RPTOR: variants seen among roughly 807,000 people sequenced by gnomAD.
RPTOR encodes the protein regulatory-associated protein of mTOR.
Under a neutral mutation model 169.9 loss-of-function variants are expected in RPTOR, and 21 were observed. The ratio of observed to expected loss-of-function variants is 0.12; its 90% confidence interval spans 0.09 to 0.18. The LOEUF is 0.18. Among genes scored for constraint, RPTOR ranks in the 10% least tolerant of loss-of-function variants. The probability of loss-of-function intolerance (pLI) is 1.00; values close to 1 mark genes in which losing one functional copy is unlikely to be tolerated. For missense variants in RPTOR, 1,133 were observed against 1,855.9 expected (o/e 0.61, Z 7.16); for synonymous variants, 732 against 753.2 (o/e 0.97, Z 0.46).
intron 1 of RPTOR, among the ~76,000 whole-genome samples, chr17:80,610,180 C>T (rs573315852): frequency 6.6e-6 from 1 of 151,988 alleles, no homozygotes; most frequent in South Asian, 2.1e-4. Context: ...TCTTTCTCTT[C>T]CTCCTTCTCC....
intron 6 of RPTOR, among the ~76,000 whole-genome samples, chr17:80,763,181 G>C (rs955562417): frequency 2.6e-5 from 4 of 152,116 alleles, no homozygotes; most frequent in Admixed American, 1.3e-4. Flanking sequence ...AGGAGTTCAA[G>C]GCTGCAGTGA....
intron 25 of RPTOR, among the ~76,000 whole-genome samples, chr17:80,944,245 T>G (rs565993140): frequency 4.7e-4 from 72 of 152,288 alleles, no homozygotes; most frequent in Non-Finnish European, 8.7e-4. Flanking sequence ...TAGTTACCAT[T>G]CTAGACTGAA....
At position 80,720,753 on chromosome 17, in the gene RPTOR, C is replaced by T. The variant is rs76876499; in HGVS notation, c.508-9807C>T. Among the ~76,000 whole-genome samples, 643 of 152,312 alleles carry T rather than the reference C, an allele frequency of 4.2e-3. 16 individuals carry two copies. Among genetic ancestry groups the T allele is most frequent in the African/African-American group, 0.015 (625 of 41,566 alleles). The stretch of plus-strand genomic sequence containing the variant: ...CATCACCTGCAGGCTCACGGAGCCA[C>T]AGACTGCCAGGCCCTCCCTGAGCCT... On this transcript the variant is annotated intron_variant, in intron 4 of 33. Transcript: ENST00000306801.
In RPTOR at chr17:80,947,234, G is replaced by A. The variant is rs1248289659; in HGVS notation, c.3148G>A (p.Asp1050Asn). ...CTCTCTTCTTCCCTTAAGCTTTTGG[G>A]ACTGGGAGAAAGGGGAGAAGCTGGA... ...VADKDSICFW[D>N]WEKGEKLDYF... The change falls in exon 27 of 34, where the codon GAC becomes AAC. Residue 1050 changes from aspartate (D) to asparagine (N), a missense_variant. Asp to Asn is a conservative substitution (Grantham distance 23, BLOSUM62 1). Coordinates refer to ENST00000306801, the MANE Select transcript of RPTOR (RefSeq NM_020761.3). This position sits in a 1 kb window ranked among gnomAD's most constrained non-coding sequence, Gnocchi z 4.4. 3.1e-6 allele frequency: 5 copies of A among 1,596,664 alleles called. No homozygotes were observed. The highest frequency in any genetic ancestry group is 3.4e-6 in the Non-Finnish European group (4 of 1,173,570).
chr17:80,948,509 G>A (rs1422751738), intron 27 of RPTOR: 1 of 152,486 alleles, frequency 6.6e-6, no homozygotes, highest in African/African-American at 2.4e-5. Flanking sequence ...AACACCAGAG[G>A]GAGAGGGCAG....
At chr17:80,660,500 G>A (rs9897453) in intron 3 of RPTOR, among the ~76,000 whole-genome samples, 113,609 of 152,056 alleles carry the variant, frequency 0.75, 43,375 homozygotes, top group African/African-American at 0.89. Flanking sequence ...TAGAAATTAT[G>A]GCCACACTCT....
intron 10 of RPTOR, among the ~76,000 whole-genome samples, chr17:80,841,730 C>T (rs1385269303): frequency 1.4e-5 from 2 of 142,296 alleles, no homozygotes; most frequent in Non-Finnish European, 3.0e-5. Context: ...TCTCACCACA[C>T]CGCAGCTCAC....
intron 26 of RPTOR, among the ~76,000 whole-genome samples, chr17:80,946,391 G>A (rs554931533): frequency 1.4e-4 from 21 of 152,308 alleles, no homozygotes; most frequent in African/African-American, 4.3e-4. Flanking sequence ...GGCATTCAGC[G>A]TATTCACATT....
intron 7 of RPTOR, among the ~76,000 whole-genome samples, chr17:80,814,085 G>C (rs776042569): frequency 6.6e-6 from 1 of 152,176 alleles, no homozygotes; most frequent in Non-Finnish European, 1.5e-5. Flanking sequence ...AAGTTGCAGT[G>C]AGCTGAGATC....
chr17:80,722,065 A>T (rs1360021114), intron 4 of RPTOR, among the ~76,000 whole-genome samples: 2 of 151,172 alleles, frequency 1.3e-5, no homozygotes, highest in East Asian at 1.9e-4. Flanking sequence ...ATATTTTATT[A>T]TAAAATTCAT....
intron 2 of RPTOR, among the ~76,000 whole-genome samples, chr17:80,628,671 C>A (rs2065415021): frequency 6.6e-6 from 1 of 150,614 alleles, no homozygotes; most frequent in African/African-American, 2.4e-5. Context: ...AGATGGGTGT[C>A]TCTCAATGTT....
At chr17:80,699,798 A>G (rs1213227362) in intron 3 of RPTOR, among the ~76,000 whole-genome samples, 1 of 148,206 alleles carries the variant, frequency 6.7e-6, no homozygotes, top group Non-Finnish European at 1.5e-5. Context: ...GGTGCTGTGC[A>G]CGGTACCCTG....
intron 4 of RPTOR, among the ~76,000 whole-genome samples, chr17:80,728,323 T>C (rs8069295): frequency 0.27 from 41,148 of 152,108 alleles, 5,667 homozygotes; most frequent in Non-Finnish European, 0.3. Flanking sequence ...TTTTTTATCT[T>C]ACTGTATCAG....
rs1383798924 is a variant in RPTOR at position 80,627,872 on chromosome 17, T to C, written c.265+2079T>C. ...TTTTTTTTGAGATGGAGTTTTGCTC[T>C]TGTTGCCCAGGCTGGGAGTGCAATG... On this transcript the variant is annotated intron_variant, in intron 2 of 33. Coordinates refer to ENST00000306801, the MANE Select transcript of RPTOR (RefSeq NM_020761.3). 3.3e-5 allele frequency among the ~76,000 whole-genome samples: 5 copies of C among 151,816 alleles called. No individual in the cohort carries two copies. The East Asian group carries it at 7.7e-4, about 23-fold the overall frequency.
intron 16 of RPTOR, among the ~76,000 whole-genome samples, chr17:80,884,720 C>T (rs969635291): frequency 1.3e-5 from 2 of 152,188 alleles, no homozygotes; most frequent in Admixed American, 6.5e-5. Context: ...ACTCCTGCCT[C>T]GTTCATCAGC....
chr17:80,815,550 G>GTGA (rs2067313873), intron 7 of RPTOR, among the ~76,000 whole-genome samples: 1 of 152,248 alleles, frequency 6.6e-6, no homozygotes, highest in Non-Finnish European at 1.5e-5. Flanking sequence ...AAGTGGGGAA[G>GTGA]TGACATGGCC....
chr17:80,811,806 C>G (rs1422232569), intron 7 of RPTOR, among the ~76,000 whole-genome samples: 4 of 151,430 alleles, frequency 2.6e-5, no homozygotes, highest in African/African-American at 9.7e-5. Flanking sequence ...CTAAACCTCA[C>G]TCCACCGGTG....
At chr17:80,896,081 A>G (rs1300164222) in intron 20 of RPTOR, among the ~76,000 whole-genome samples, 4 of 151,470 alleles carry the variant, frequency 2.6e-5, no homozygotes, top group Non-Finnish European at 4.4e-5. Context: ...CCTATTCTCA[A>G]TGTCCTAAAC....
At chr17:80,556,020 T>A (rs1266862808) in intron 1 of RPTOR, among the ~76,000 whole-genome samples, 2 of 126,170 alleles carry the variant, frequency 1.6e-5, no homozygotes, top group Admixed American at 1.5e-4. Flanking sequence ...ATCTAAAAAG[T>A]TTTTTGTTTT....
Sources: allele counts gnomAD v4.1 joint callset (sites outside exome capture counted in the v4.1 genomes callset), GRCh38; gene constraint gnomAD v4.1.1; non-coding constraint Gnocchi (gnomAD v3.1); transcripts MANE v1.5; gene names NCBI Gene and HGNC (gene_info 2026-07-23, HGNC 2026-07-21).